WRAP73: variants seen among roughly 807,000 people sequenced by gnomAD.
The protein encoded by WRAP73 is WD repeat-containing protein WRAP73.
In WRAP73, 55 loss-of-function variants were observed where a neutral mutation model predicts 59.6. The ratio of observed to expected loss-of-function variants is 0.92; its 90% confidence interval spans 0.74 to 1.15. The LOEUF (loss-of-function observed/expected upper bound fraction) is 1.15. Among genes scored for constraint, WRAP73 ranks in the 50% most tolerant of loss-of-function variants. WRAP73 has a pLI of 0.00. For synonymous variants in WRAP73, 265 were observed against 258.2 expected (o/e 1.03, Z -0.25); for missense variants, 592 against 608.1 (o/e 0.97, Z 0.28).
At position 3,637,070 on chromosome 1, in the gene WRAP73, G is replaced by A; in HGVS notation, c.441C>T (p.Tyr147=). 1 of 1,612,414 alleles carries A rather than the reference G, an allele frequency of 6.2e-7. No individual in the cohort carries two copies. The highest frequency in any genetic ancestry group is 8.5e-7 in the Non-Finnish European group (1 of 1,179,680). ...AGTCGCGCCGTTCTGCCAGCGCCAT[G>A]TAGCGGCCGTCCCTGGTGAAGGTGA... ...QGITFTRDGR[Y]MALAERRDCK... The change falls in exon 5 of 12, where the codon TAC becomes TAT. Residue 147 remains tyrosine, a synonymous_variant. Coordinates refer to ENST00000270708, the MANE Select transcript of WRAP73 (RefSeq NM_017818.4).
At chr1:3,647,627 T>C in intron 1 of WRAP73, 67 bp from the exon 2 acceptor site, 1 of 1,558,202 alleles carries the variant, frequency 6.4e-7, no homozygotes, top group Non-Finnish European at 8.7e-7. Flanking sequence ...TTCGGAATGC[T>C]ACTGCCCTGG....
At position 3,631,439 on chromosome 1, in the gene WRAP73, C is replaced by G. The variant is rs777135494; in HGVS notation, c.1240+27G>C. Reference sequence around the variant, plus strand: ...CAGACTGCACACAGCAAGGCTGCCACGTCCGTGGCCTCGGGGATGTGCTTA... The same window carrying G: ...CAGACTGCACACAGCAAGGCTGCCAGGTCCGTGGCCTCGGGGATGTGCTTA... On this transcript the variant is annotated intron_variant, in intron 11 of 11. Transcript: ENST00000270708. 6 of 1,562,514 alleles carry G rather than the reference C, an allele frequency of 3.8e-6. 1 individual carries two copies. Among genetic ancestry groups the G allele is most frequent in the African/African-American group, 2.7e-5 (2 of 73,898 alleles).
chr1:3,634,895 G>GT (rs1187284559), intron 8 of WRAP73, 102 bp downstream of exon 8: 15 of 1,366,030 alleles, frequency 1.1e-5, no homozygotes, highest in Non-Finnish European at 1.5e-5. Context: ...GGAAGTGCCC[G>GT]GTTAAATAAT....
intron 11 of WRAP73, 142 bp downstream of exon 11, chr1:3,631,324 T>C (rs996404468): frequency 7.6e-7 from 1 of 1,322,782 alleles, no homozygotes; most frequent in Non-Finnish European, 1.0e-6. Context: ...TGTGTCCGTC[T>C]TGAGGTTTAC....
rs969482670 is a variant in WRAP73, at chr1:3,646,493, G to A, written c.339+173C>T. ...GGTATGCTGTATAGGAAAAAACACA[G>A]GAAATACAGGGTTTGGTACAATCTG... On this transcript the variant is annotated intron_variant, in intron 3 of 11. Coordinates refer to ENST00000270708, the MANE Select transcript of WRAP73 (RefSeq NM_017818.4). This position sits in a 1 kb window ranked among gnomAD's most constrained non-coding sequence, Gnocchi z 5.1. Among the ~76,000 whole-genome samples the A allele has an allele frequency of 6.6e-6, 1 of 152,114 alleles. No homozygotes were observed. The highest frequency in any genetic ancestry group is 1.5e-5 in the Non-Finnish European group (1 of 68,024).
intron 1 of WRAP73, among the ~76,000 whole-genome samples, chr1:3,649,019 C>T (rs903952298): frequency 4.6e-5 from 7 of 152,190 alleles, no homozygotes; most frequent in African/African-American, 1.4e-4. Context: ...CATCATGATA[C>T]ATCAGTCAGT....
At chr1:3,640,892 T>A (rs1644637532) in intron 3 of WRAP73, among the ~76,000 whole-genome samples, 1 of 152,220 alleles carries the variant, frequency 6.6e-6, no homozygotes, top group Non-Finnish European at 1.5e-5. Flanking sequence ...CCTGTGGCCC[T>A]GCATCCCTGT....
chr1:3,632,401 G>A (rs1191602708), intron 9 of WRAP73, 63 bp from the exon 10 acceptor site: 5 of 1,612,152 alleles, frequency 3.1e-6, no homozygotes, highest in African/African-American at 2.7e-5. Flanking sequence ...ACGCGGCTGA[G>A]AGGCTGCTGT....
chr1:3,638,806 C>T lies in WRAP73; in HGVS notation c.356G>A (p.Trp119Ter), dbSNP rs1388452193. The T allele has an allele frequency of 1.2e-6, 2 of 1,614,172 alleles. No individual in the cohort carries two copies. The highest frequency in any genetic ancestry group is 2.2e-5 in the South Asian group (2 of 91,074). Residue 119 changes from tryptophan to a stop codon, truncating the protein, a stop_gained, in exon 4 of 12, where the codon TGG becomes TAG. Transcript: ENST00000270708. LOFTEE classifies it high-confidence loss of function. ...AGACACGGATTTTGTGCACAAGGACCAGACGGTTATCCGCAGCTGTTGGGG... is the reference window on the plus strand; with the variant it reads ...AGACACGGATTTTGTGCACAAGGACTAGACGGTTATCCGCAGCTGTTGGGG... ...TTEFHLRITV[W>*]SLCTKSVSYI...
At chr1:3,631,391 C>A (rs755108537) in intron 11 of WRAP73, 75 bp downstream of exon 11, 1 of 1,511,300 alleles carries the variant, frequency 6.6e-7, no homozygotes, top group African/African-American at 1.4e-5. Flanking sequence ...AGCTGGGCTT[C>A]AACAGTTCAG....
intron 11 of WRAP73, 78 bp downstream of exon 11, chr1:3,631,388 C>T (rs750332134): frequency 1.3e-6 from 2 of 1,509,766 alleles, no homozygotes; most frequent in Non-Finnish European, 1.8e-6. Flanking sequence ...AGCAGCTGGG[C>T]TTCAACAGTT....
chr1:3,647,918 C>G (rs1644706471), intron 1 of WRAP73, among the ~76,000 whole-genome samples: 1 of 152,182 alleles, frequency 6.6e-6, no homozygotes, highest in African/African-American at 2.4e-5. Flanking sequence ...AACTAATAAC[C>G]AAAATCCTCT....
rs776928761 is a variant in WRAP73 at position 3,647,467 on chromosome 1, C to T, written c.163G>A (p.Glu55Lys). The T allele has an allele frequency of 1.5e-5, 25 of 1,613,912 alleles. No homozygotes were observed. The highest frequency in any genetic ancestry group is 2.2e-5 in the East Asian group (1 of 44,870). Residue 55 changes from glutamate to lysine, a missense_variant, in exon 2 of 12, where the codon GAG becomes AAG. By Grantham distance (56) the Glu-to-Lys change is moderately conservative. Coordinates refer to ENST00000270708, the MANE Select transcript of WRAP73 (RefSeq NM_017818.4). Reference protein sequence around the residue: ...YTCLDQIQHIEWSADSLFILC... With the variant: ...YTCLDQIQHIKWSADSLFILC... The stretch of plus-strand genomic sequence containing the variant: ...ATGAAGAGCGAGTCTGCCGACCACT[C>T]GATGTGCTGGATCTGGTCTAGGCAC...
At chr1:3,649,818 G>T in intron 1 of WRAP73, 113 bp downstream of exon 1, 1 of 1,169,390 alleles carries the variant, frequency 8.6e-7, no homozygotes, top group Non-Finnish European at 1.2e-6. Context: ...TCCGGGCACC[G>T]CACCTGCAGG....
Position 3,630,920 on chromosome 1 carries a change from T to TC in WRAP73, c.*54dup, listed in dbSNP as rs968980919. On this transcript the variant is annotated 3_prime_UTR_variant, in exon 12 of 12. Coordinates refer to ENST00000270708, the MANE Select transcript of WRAP73 (RefSeq NM_017818.4). The stretch of plus-strand genomic sequence containing the variant: ...AACCTCCTGGTGAAGCTGTGTTTTT[T>TC]CCCACACTGGAAACACAGAGTAGCC... 5.7e-6 allele frequency: 9 copies of TC among 1,569,188 alleles called. No individual in the cohort carries two copies. The highest frequency in any genetic ancestry group is 7.8e-6 in the Non-Finnish European group (9 of 1,153,782).
At chr1:3,642,359 T>C (rs1020557833) in intron 3 of WRAP73, among the ~76,000 whole-genome samples, 1 of 152,146 alleles carries the variant, frequency 6.6e-6, no homozygotes, top group African/African-American at 2.4e-5. Context: ...GGACCAACAG[T>C]GGACTGGAAT....
At chr1:3,648,592 T>C (rs1040578741) in intron 1 of WRAP73, among the ~76,000 whole-genome samples, 3 of 152,210 alleles carry the variant, frequency 2.0e-5, no homozygotes, top group Admixed American at 6.5e-5. Flanking sequence ...CTGCAAGATA[T>C]GAAAACTAGA....
At chr1:3,637,180 G>A (rs1454906254) in intron 4 of WRAP73, 82 bp from the exon 5 acceptor site, 9 of 1,222,824 alleles carry the variant, frequency 7.4e-6, no homozygotes, top group Non-Finnish European at 1.1e-5. Context: ...CACAAGGAAG[G>A]AGGAGGAAAA....
At position 3,639,843 on chromosome 1, in the gene WRAP73, G is replaced by T. The variant is rs533114536; in HGVS notation, c.340-1021C>A. ...GGGGTGCTGACTGCCAGCTCCGTGTGTGTCAGGCAGGGGTCCTCGCTGAGG... is the reference window on the plus strand; with the variant it reads ...GGGGTGCTGACTGCCAGCTCCGTGTTTGTCAGGCAGGGGTCCTCGCTGAGG... On this transcript the variant is annotated intron_variant, in intron 3 of 11. Transcript: ENST00000270708. This position sits in a 1 kb window ranked among gnomAD's most constrained non-coding sequence, Gnocchi z 4.3. Among the ~76,000 whole-genome samples, 43 of 152,184 alleles carry T rather than the reference G, an allele frequency of 2.8e-4. 1 individual carries two copies. The highest frequency in any genetic ancestry group is 3.4e-3 in the Middle Eastern group (1 of 294).
Sources: gnomAD v4.1 joint callset for allele counts (sites outside exome capture counted in the v4.1 genomes callset) on GRCh38, gnomAD v4.1.1 for gene constraint, Gnocchi (gnomAD v3.1) non-coding constraint, MANE v1.5 for transcripts, NCBI Gene and HGNC (gene_info 2026-07-23, HGNC 2026-07-21) for gene names.